The following MBP variants were observed in gnomAD, a reference collection of about 807,000 sequenced individuals.
MBP encodes the protein Golli-MBP.
In MBP, 16 loss-of-function variants were observed where a neutral mutation model predicts 35.8. That is an observed-to-expected ratio of 0.45 (90% CI 0.30 to 0.68). The LOEUF is 0.68. Among genes scored for constraint, MBP ranks in the 30% least tolerant of loss-of-function variants. MBP has a pLI of 0.08. For synonymous variants in MBP, 143 were observed against 159.6 expected (o/e 0.90, Z 0.78); for missense variants, 380 against 404.7 (o/e 0.94, Z 0.52).
chr18:77,010,019 T>C, intron 4 of MBP: 1 of 895,004 alleles, frequency 1.1e-6, no homozygotes, highest in Non-Finnish European at 1.8e-6. Context: ...TAGAGCTGGC[T>C]TGGCAAGAGC....
At chr18:77,089,769 C>T (rs1277166486) in intron 2 of MBP, among the ~76,000 whole-genome samples, 2 of 152,160 alleles carry the variant, frequency 1.3e-5, no homozygotes, top group Non-Finnish European at 2.9e-5. Context: ...AGCAAAAATA[C>T]AGCATAGGGA....
At chr18:77,117,253 A>C (rs1976699385) in intron 1 of MBP, among the ~76,000 whole-genome samples, 1 of 152,240 alleles carries the variant, frequency 6.6e-6, no homozygotes, top group Admixed American at 6.5e-5. Context: ...TAAAAATGGC[A>C]TTTAAATGAA....
intron 2 of MBP, among the ~76,000 whole-genome samples, chr18:77,076,988 T>C (rs966970870): frequency 6.6e-6 from 1 of 152,162 alleles, no homozygotes; most frequent in Non-Finnish European, 1.5e-5. Context: ...GTACCTCTTA[T>C]TGTTATCAGG....
chr18:77,042,306 A>G (rs936413264), intron 3 of MBP, among the ~76,000 whole-genome samples: 1 of 145,424 alleles, frequency 6.9e-6, no homozygotes, highest in Non-Finnish European at 1.5e-5. Flanking sequence ...CCTGACTCTC[A>G]GTCTCCCCAG....
At chr18:77,010,071 C>A (rs138676372) in intron 4 of MBP, 3 of 625,536 alleles carry the variant, frequency 4.8e-6, no homozygotes, top group Admixed American at 5.1e-5. Context: ...GGATGAAGGA[C>A]GACAGGGAGA....
At chr18:77,121,736 A>G (rs1425570597) in intron 1 of MBP, among the ~76,000 whole-genome samples, 1 of 152,106 alleles carries the variant, frequency 6.6e-6, no homozygotes, top group African/African-American at 2.4e-5. Flanking sequence ...AATACAATTG[A>G]TTTATATTTA....
intron 8 of MBP, 134 bp from the exon 9 acceptor site, chr18:76,980,605 C>T (rs974579177): frequency 7.3e-6 from 5 of 687,256 alleles, no homozygotes; most frequent in East Asian, 2.5e-5. Context: ...AATGGCACCC[C>T]GGAGAGCTGG....
intron 3 of MBP, among the ~76,000 whole-genome samples, chr18:77,028,041 G>A (rs1972295661): frequency 7.2e-6 from 1 of 139,250 alleles, no homozygotes; most frequent in African/African-American, 2.7e-5. Context: ...CTTGCAGAGG[G>A]GGATTTGGCA....
At chr18:77,080,342 C>T (rs190524768) in intron 2 of MBP, among the ~76,000 whole-genome samples, 6 of 152,370 alleles carry the variant, frequency 3.9e-5, no homozygotes, top group South Asian at 4.1e-4. Flanking sequence ...AGGATGCGGA[C>T]GGTAAGGCTT....
chr18:77,118,549 T>G (rs911545673), intron 1 of MBP, among the ~76,000 whole-genome samples: 3 of 151,446 alleles, frequency 2.0e-5, no homozygotes, highest in Non-Finnish European at 2.9e-5. Context: ...ACAGAGACAG[T>G]GCGGAAAGCT....
At chr18:77,084,456 C>T (rs1975137494) in intron 2 of MBP, among the ~76,000 whole-genome samples, 1 of 150,760 alleles carries the variant, frequency 6.6e-6, no homozygotes, top group Non-Finnish European at 1.5e-5. Flanking sequence ...CACACACACA[C>T]ACACACACAC....
At position 77,044,232 on chromosome 18, in the gene MBP, G is replaced by T. The variant is rs961434374; in HGVS notation, c.139+22066C>A. 1.3e-5 allele frequency among the ~76,000 whole-genome samples: 2 copies of T among 152,050 alleles called. No homozygotes were observed. Among genetic ancestry groups the T allele is most frequent in the Non-Finnish European group, 2.9e-5 (2 of 68,022 alleles). On this transcript the variant is annotated intron_variant, in intron 3 of 8. Coordinates refer to ENST00000355994, the MANE Select transcript of MBP (RefSeq NM_001025101.2). This position sits in a 1 kb window ranked among gnomAD's most constrained non-coding sequence, Gnocchi z 4.4. ...TCCTGACCACAGCAGCCTACTCCAT[G>T]TCCCCCTGTGGATGCTGCAATGCCC...
In MBP at chr18:76,990,000, GGCCGTGTGACTTCTGGGGCAGGGA is replaced by G. The variant is rs755710427; in HGVS notation, c.613_636del (p.Ser205_Gly212del). ...ACTACGGGGTTTTCATCTTGGGTCC[GGCCGTGTGACTTCTGGGGCAGGGA>G]GCCGTAGTGAGCAGTTCTTGCCGGG... On this transcript the variant is annotated inframe_deletion, in exon 5 of 9. Transcript: ENST00000355994. The surrounding 1 kb of genome is among the most constrained non-coding windows in gnomAD (Gnocchi z 4.0). 1.2e-6 allele frequency: 2 copies of G among 1,612,660 alleles called. No homozygotes were observed. Among genetic ancestry groups the G allele is most frequent in the Non-Finnish European group, 1.7e-6 (2 of 1,180,010 alleles).
chr18:77,024,684 C>T (rs1420049047), intron 3 of MBP, among the ~76,000 whole-genome samples: 1 of 152,216 alleles, frequency 6.6e-6, no homozygotes, highest in African/African-American at 2.4e-5. Flanking sequence ...CCAGGGCCTG[C>T]AGTCGCCAGG....
chr18:76,999,699 T>C (rs1040560788), intron 4 of MBP, among the ~76,000 whole-genome samples: 1 of 152,178 alleles, frequency 6.6e-6, no homozygotes, highest in Admixed American at 6.5e-5. Flanking sequence ...TCCACCCACC[T>C]TGGCCTCCCA....
At chr18:77,056,178 G>A (rs2144730488) in intron 3 of MBP, among the ~76,000 whole-genome samples, 1 of 152,330 alleles carries the variant, frequency 6.6e-6, no homozygotes, top group African/African-American at 2.4e-5. Flanking sequence ...GGAACACACT[G>A]TTGCTGTCTC....
At chr18:77,036,463 G>A (rs1371452839) in intron 3 of MBP, among the ~76,000 whole-genome samples, 1 of 127,182 alleles carries the variant, frequency 7.9e-6, no homozygotes, top group African/African-American at 3.3e-5. Context: ...GCAAGTGCTG[G>A]TCACATTTTG....
At chr18:76,984,721 G>T in intron 8 of MBP, 54 bp downstream of exon 8, 1 of 1,612,362 alleles carries the variant, frequency 6.2e-7, no homozygotes, top group Non-Finnish European at 8.5e-7. Flanking sequence ...CTTAGTTGGG[G>T]ATTCTGGGAG....
intron 2 of MBP, among the ~76,000 whole-genome samples, chr18:77,081,797 T>TATATACACACACACAC (rs1568329925): frequency 0.019 from 1,095 of 56,868 alleles, 16 homozygotes; most frequent in African/African-American, 0.064. Context: ...CACACACGTA[T>TATATACACACACACAC]ATATATATGC....
Sources: allele counts gnomAD v4.1 joint callset (sites outside exome capture counted in the v4.1 genomes callset), GRCh38; gene constraint gnomAD v4.1.1; non-coding constraint Gnocchi (gnomAD v3.1); transcripts MANE v1.5; gene names NCBI Gene and HGNC (gene_info 2026-07-23, HGNC 2026-07-21).